Variants in FAT3 observed in about 807,000 individuals in gnomAD.
FAT3 encodes the protein FAT atypical cadherin 3.
Under a neutral mutation model 310.2 loss-of-function variants are expected in FAT3, and 95 were observed. That is an observed-to-expected ratio of 0.31 (90% CI 0.26 to 0.36). The LOEUF is 0.36. Ranked by LOEUF, FAT3 falls within the 10% of genes least tolerant of loss-of-function variation. The pLI is 1.00. For synonymous variants in FAT3, 2,314 were observed against 2,192.9 expected, an observed-to-expected ratio of 1.06 and a Z score of -1.54; for missense variants, 5,408 against 5,715.6, an observed-to-expected ratio of 0.95 and a Z score of 1.74.
At chr11:92,597,944 A>G (rs943212549) in intron 3 of FAT3, among the ~76,000 whole-genome samples, 1 of 152,130 alleles carries the variant, frequency 6.6e-6, no homozygotes, top group African/African-American at 2.4e-5. Context: ...GTTGGAGAAT[A>G]ATTTTGAAAT....
intron 2 of FAT3, among the ~76,000 whole-genome samples, chr11:92,415,270 G>A (rs540924370): frequency 2.6e-5 from 4 of 152,222 alleles, no homozygotes; most frequent in South Asian, 4.1e-4. Flanking sequence ...ATGTGTTCTC[G>A]TTTGATCTAG....
chr11:92,678,139 A>C (rs1943350271), intron 3 of FAT3, among the ~76,000 whole-genome samples: 1 of 152,190 alleles, frequency 6.6e-6, no homozygotes, highest in Non-Finnish European at 1.5e-5. Context: ...AGAGGGAAAC[A>C]ATCAGAGGCT....
intron 4 of FAT3, among the ~76,000 whole-genome samples, chr11:92,721,584 G>A (rs998294622): frequency 6.6e-6 from 1 of 152,238 alleles, no homozygotes; most frequent in Admixed American, 6.5e-5. Context: ...AACTGCCTAA[G>A]GAATTTTTCT....
intron 2 of FAT3, among the ~76,000 whole-genome samples, chr11:92,465,850 A>T (rs994012663): frequency 6.1e-5 from 9 of 147,790 alleles, no homozygotes; most frequent in East Asian, 1.9e-4. Context: ...AAAGTATAAT[A>T]AAAAAAAATG....
chr11:92,771,996 C>T (rs1946471017), intron 6 of FAT3, among the ~76,000 whole-genome samples: 1 of 152,108 alleles, frequency 6.6e-6, no homozygotes, highest in Admixed American at 6.6e-5. Context: ...CTTGCTGGTT[C>T]TCTAAATTTT....
chr11:92,336,481 A>G, intron 1 of FAT3: 1 of 283,744 alleles, frequency 3.5e-6, no homozygotes, highest in South Asian at 3.8e-5. Flanking sequence ...CTCAAACTTA[A>G]CAGCCCAACT....
At chr11:92,832,531 G>T (rs1189930367) in intron 14 of FAT3, among the ~76,000 whole-genome samples, 1 of 151,996 alleles carries the variant, frequency 6.6e-6, no homozygotes, top group Non-Finnish European at 1.5e-5. Context: ...TAAATTTTAA[G>T]CTCCTTGTTG....
chr11:92,266,592 C>T (rs1945959809), intron 1 of FAT3, among the ~76,000 whole-genome samples: 2 of 152,124 alleles, frequency 1.3e-5, no homozygotes, highest in Admixed American at 1.3e-4. Flanking sequence ...GAGAAACACA[C>T]GTCCCTTTCC....
intron 6 of FAT3, among the ~76,000 whole-genome samples, chr11:92,769,176 A>C (rs1946398647): frequency 6.6e-6 from 1 of 152,132 alleles, no homozygotes; most frequent in Non-Finnish European, 1.5e-5. Context: ...CTCCAAGGAG[A>C]CCACTGCTTA....
chr11:92,684,787 T>C (rs752672285), intron 3 of FAT3, among the ~76,000 whole-genome samples: 10 of 152,186 alleles, frequency 6.6e-5, no homozygotes, highest in Non-Finnish European at 1.2e-4. Context: ...TTTGCAGCTA[T>C]CTGATTCTTC....
intron 1 of FAT3, among the ~76,000 whole-genome samples, chr11:92,266,619 C>A (rs1591028872): frequency 1.3e-5 from 2 of 152,168 alleles, no homozygotes; most frequent in Admixed American, 1.3e-4. Flanking sequence ...ACAGCCTCAG[C>A]CTTCTCAGTC....
At chr11:92,271,457 G>T (rs896151062) in intron 1 of FAT3, among the ~76,000 whole-genome samples, 2 of 151,990 alleles carry the variant, frequency 1.3e-5, no homozygotes, top group Non-Finnish European at 2.9e-5. Flanking sequence ...TCCCCCTTAG[G>T]ATGATCATAT....
intron 7 of FAT3, among the ~76,000 whole-genome samples, chr11:92,777,598 G>A (rs772055189): frequency 6.6e-6 from 1 of 152,114 alleles, no homozygotes; most frequent in Non-Finnish European, 1.5e-5. Context: ...TTTTGTAAGG[G>A]ATATTATTAT....
At chr11:92,339,709 A>C (rs1948191578) in intron 1 of FAT3, among the ~76,000 whole-genome samples, 1 of 152,112 alleles carries the variant, frequency 6.6e-6, no homozygotes, top group African/African-American at 2.4e-5. Flanking sequence ...GGGCAGGGGA[A>C]GCCAGTTGAA....
intron 23 of FAT3, 78 bp downstream of exon 23, chr11:92,880,962 TA>T: frequency 6.7e-7 from 1 of 1,483,944 alleles, no homozygotes; most frequent in Non-Finnish European, 9.2e-7. Flanking sequence ...CTAATGAGGG[TA>T]AAATATTTAC....
rs373401733 is a variant in FAT3, at chr11:92,762,083, T to C, written c.3897T>C (p.Asn1299=). Residue 1299 remains asparagine (N), a synonymous_variant, in exon 5 of 28, where the codon AAT becomes AAC. Coordinates refer to ENST00000525166, the MANE Select transcript of FAT3 (RefSeq NM_001367949.2). ...AEISYSIVDG[N]DDGKFFIDPK... is the part of the protein sequence containing the mutation. ...TCTCCTACAGTATTGTGGATGGGAA[T>C]GATGACGGAAAGTTCTTTATTGACC... 1 of 1,614,002 alleles carries C rather than the reference T, an allele frequency of 6.2e-7. No individual in the cohort carries two copies. The highest frequency in any genetic ancestry group is 1.1e-5 in the South Asian group (1 of 91,082).
At chr11:92,361,775 CG>C (rs1256238799) in intron 2 of FAT3, among the ~76,000 whole-genome samples, 2 of 152,114 alleles carry the variant, frequency 1.3e-5, no homozygotes, top group East Asian at 3.9e-4. Flanking sequence ...TGACATAGCA[CG>C]TGACAGCTCT....
intron 1 of FAT3, among the ~76,000 whole-genome samples, chr11:92,340,968 T>A (rs1948243340): frequency 6.6e-6 from 1 of 152,128 alleles, no homozygotes; most frequent in African/African-American, 2.4e-5. Flanking sequence ...ATGAGCTCCA[T>A]CACCTGGCTT....
intron 1 of FAT3, among the ~76,000 whole-genome samples, chr11:92,264,322 T>A (rs1945873032): frequency 6.6e-6 from 1 of 152,148 alleles, no homozygotes; most frequent in Non-Finnish European, 1.5e-5. Context: ...GTTGTATATG[T>A]TTCAGGAGAG....
Sources: gnomAD v4.1 joint callset for allele counts (sites outside exome capture counted in the v4.1 genomes callset) on GRCh38, gnomAD v4.1.1 for gene constraint, MANE v1.5 for transcripts, NCBI Gene and HGNC (gene_info 2026-07-23, HGNC 2026-07-21) for gene names.